The following GNAZ variants were observed in gnomAD, a reference collection of about 807,000 sequenced individuals.
The protein encoded by GNAZ is G protein subunit alpha z.
In GNAZ, 3 loss-of-function variants were observed where a neutral mutation model predicts 25.4. The observed-to-expected ratio is 0.12, with a 90% CI of 0.05 to 0.30. The LOEUF (loss-of-function observed/expected upper bound fraction) is 0.30, where lower values mean the gene tolerates loss of function less well. GNAZ is among the 10% of genes least tolerant of loss of function. The pLI, the probability that GNAZ is intolerant of heterozygous loss-of-function variation, is 1.00. For synonymous variants in GNAZ, 211 were observed against 205.7 expected, an observed-to-expected ratio of 1.03 and a Z score of -0.22; for missense variants, 241 against 501.8, an observed-to-expected ratio of 0.48 and a Z score of 4.97.
intron 2 of GNAZ, among the ~76,000 whole-genome samples, chr22:23,101,763 G>A (rs1009694499): frequency 6.6e-6 from 1 of 152,238 alleles, no homozygotes; most frequent in East Asian, 1.9e-4. Context: ...GCAGGGCCAG[G>A]CTGGCACACT....
At chr22:23,091,568 G>T (rs985757041) in intron 1 of GNAZ, among the ~76,000 whole-genome samples, 1 of 144,872 alleles carries the variant, frequency 6.9e-6, no homozygotes, top group Non-Finnish European at 1.5e-5. Context: ...ACATGCACAC[G>T]CACCGCAGTG....
chr22:23,082,569 T>C (rs2068714493), intron 1 of GNAZ, among the ~76,000 whole-genome samples: 1 of 152,012 alleles, frequency 6.6e-6, no homozygotes, highest in Non-Finnish European at 1.5e-5. Context: ...GATCATTCCA[T>C]AATACTTGGA....
chr22:23,123,503 G>C lies in GNAZ; in HGVS notation c.*72G>C, dbSNP rs1358628670. On this transcript the variant is annotated 3_prime_UTR_variant, in exon 3 of 3. Coordinates refer to ENST00000615612, the MANE Select transcript of GNAZ (RefSeq NM_002073.4). ...GTCATGCCCCAACGCGTGCTAGAGA[G>C]GCCCAATCCAGGGGCAGAAAACAGG... 1 of 979,882 alleles carries C rather than the reference G, an allele frequency of 1.0e-6. No individual in the cohort carries two copies. The highest frequency in any genetic ancestry group is 2.4e-5 in the Admixed American group (1 of 42,222). 60.7% of individuals were successfully genotyped at this position (979,882 alleles called of 1,614,324 possible).
chr22:23,110,315 C>T (rs2069609162), intron 2 of GNAZ, among the ~76,000 whole-genome samples: 1 of 152,174 alleles, frequency 6.6e-6, no homozygotes, highest in South Asian at 2.1e-4. Flanking sequence ...GTGAACAGAA[C>T]TGGAGGGCAT....
chr22:23,100,311 T>C (rs1238907081), intron 2 of GNAZ, among the ~76,000 whole-genome samples: 1 of 152,206 alleles, frequency 6.6e-6, no homozygotes, highest in Non-Finnish European at 1.5e-5. Flanking sequence ...AGTGTCCCCA[T>C]TGTGCTTTCA....
intron 1 of GNAZ, among the ~76,000 whole-genome samples, chr22:23,093,552 GACGCTC>G (rs1223025954): frequency 7.9e-5 from 12 of 152,236 alleles, no homozygotes; most frequent in African/African-American, 2.9e-4. Flanking sequence ...AGGGCAAGGT[GACGCTC>G]ACAGCGACAA....
chr22:23,091,285 C>T (rs1569169470), intron 1 of GNAZ, among the ~76,000 whole-genome samples: 1 of 152,238 alleles, frequency 6.6e-6, no homozygotes, highest in Non-Finnish European at 1.5e-5. Flanking sequence ...TGCACTCTCA[C>T]AGACACAAAC....
intron 1 of GNAZ, among the ~76,000 whole-genome samples, chr22:23,086,857 GCTC>G (rs1248871373): frequency 6.6e-6 from 1 of 152,218 alleles, no homozygotes; most frequent in Non-Finnish European, 1.5e-5. Context: ...AGGACACCTG[GCTC>G]CTCAGCAACA....
rs546134872 is a variant in GNAZ at position 23,095,519 on chromosome 22, G to A, written c.-177G>A. ...CGCCCGCTGCACAGAGCGCCATGCCGGCTGGAGAAGAGGCGCTGGGGCAGG... is the reference window on the plus strand; with the variant it reads ...CGCCCGCTGCACAGAGCGCCATGCCAGCTGGAGAAGAGGCGCTGGGGCAGG... On this transcript the variant is annotated 5_prime_UTR_variant, in exon 2 of 3. Coordinates refer to ENST00000615612, the MANE Select transcript of GNAZ (RefSeq NM_002073.4). The A allele has an allele frequency of 2.1e-4, 143 of 667,764 alleles. No individual in the cohort carries two copies. The highest frequency in any genetic ancestry group is 3.1e-4 in the Non-Finnish European group (123 of 398,054). 41.4% of individuals were successfully genotyped at this position (667,764 alleles called of 1,614,324 possible).
intron 2 of GNAZ, among the ~76,000 whole-genome samples, chr22:23,098,131 T>C (rs1249901336): frequency 1.3e-5 from 2 of 152,254 alleles, no homozygotes; most frequent in African/African-American, 4.8e-5. Context: ...TCTTGGCTCT[T>C]ACTGGCCTGT....
intron 1 of GNAZ, among the ~76,000 whole-genome samples, chr22:23,079,598 G>A (rs1354396707): frequency 6.6e-6 from 1 of 152,184 alleles, no homozygotes; most frequent in Non-Finnish European, 1.5e-5. Context: ...AAGCACAAGT[G>A]AGACATACTC....
chr22:23,120,488 T>G (rs1037386643), intron 2 of GNAZ, among the ~76,000 whole-genome samples: 1 of 152,178 alleles, frequency 6.6e-6, no homozygotes, highest in Admixed American at 6.5e-5. Flanking sequence ...ACACGTGAAC[T>G]GTTTCCGCAT....
chr22:23,086,423 C>G (rs895881913), intron 1 of GNAZ, among the ~76,000 whole-genome samples: 1 of 152,242 alleles, frequency 6.6e-6, no homozygotes, highest in Admixed American at 6.5e-5. Flanking sequence ...TGGCAGCAGA[C>G]GGGGTGGCAC....
At chr22:23,116,937 CTG>C (rs2146382704) in intron 2 of GNAZ, among the ~76,000 whole-genome samples, 1 of 152,312 alleles carries the variant, frequency 6.6e-6, no homozygotes, top group African/African-American at 2.4e-5. Flanking sequence ...GAGGATGCCT[CTG>C]TTCCCTCTCC....
chr22:23,111,294 G>A (rs747117843), intron 2 of GNAZ, among the ~76,000 whole-genome samples: 4 of 152,242 alleles, frequency 2.6e-5, no homozygotes, highest in Non-Finnish European at 4.4e-5. Context: ...CCTGTGACGT[G>A]GCTGGCTCTG....
chr22:23,121,544 A>C (rs2070024130), intron 2 of GNAZ, among the ~76,000 whole-genome samples: 1 of 152,168 alleles, frequency 6.6e-6, no homozygotes, highest in Non-Finnish European at 1.5e-5. Context: ...TCTGTAAAAC[A>C]GGAGTGGGCA....
intron 1 of GNAZ, among the ~76,000 whole-genome samples, chr22:23,075,503 C>G (rs1049382251): frequency 6.6e-6 from 1 of 152,194 alleles, no homozygotes; most frequent in Non-Finnish European, 1.5e-5. Context: ...GGCTTCTTTG[C>G]GTTCATCTCT....
intron 2 of GNAZ, among the ~76,000 whole-genome samples, chr22:23,098,786 C>T (rs1029486209): frequency 2.0e-5 from 3 of 152,264 alleles, no homozygotes; most frequent in East Asian, 1.9e-4. Flanking sequence ...CGATTCCTCC[C>T]GCAGGCTGGG....
At chr22:23,073,570 C>G (rs902747736) in intron 1 of GNAZ, among the ~76,000 whole-genome samples, 1 of 152,208 alleles carries the variant, frequency 6.6e-6, no homozygotes, top group African/African-American at 2.4e-5. Flanking sequence ...CCTGCCCTGT[C>G]CCCACACCAG....
Sources: gnomAD v4.1 joint callset for allele counts (sites outside exome capture counted in the v4.1 genomes callset) on GRCh38, gnomAD v4.1.1 for gene constraint, MANE v1.5 for transcripts, NCBI Gene and HGNC (gene_info 2026-07-23, HGNC 2026-07-21) for gene names.